The following DSC1 variants were observed in gnomAD, a reference collection of about 807,000 sequenced individuals.
DSC1 encodes the protein desmocollin 1.
Under a neutral mutation model 98.8 loss-of-function variants are expected in DSC1, and 79 were observed. The ratio of observed to expected loss-of-function variants is 0.80; its 90% CI spans 0.67 to 0.96. The LOEUF is 0.96. Among genes scored for constraint, DSC1 ranks in the 50% least tolerant of loss-of-function variants. DSC1 has a pLI of 0.00. For missense variants in DSC1, 1,115 were observed against 1,075.9 expected, an observed-to-expected ratio of 1.04 and a Z score of -0.51; for synonymous variants, 405 against 372.1, an observed-to-expected ratio of 1.09 and a Z score of -1.02.
chr18:31,145,795 A>G lies in DSC1; in HGVS notation c.773-18T>C. 1 of 1,597,454 alleles carries G rather than the reference A, an allele frequency of 6.3e-7. No homozygotes were observed. The highest frequency in any genetic ancestry group is 8.5e-7 in the Non-Finnish European group (1 of 1,174,152). On this transcript the variant is annotated intron_variant, in intron 6 of 15. Coordinates refer to ENST00000257198, the MANE Select transcript of DSC1 (RefSeq NM_024421.2). ...TGAAGTTCCTGTTTAGATAAATCCAAAAGTGTCAAAAATTTCTACTCATAT... is the reference window on the plus strand; with the variant it reads ...TGAAGTTCCTGTTTAGATAAATCCAGAAGTGTCAAAAATTTCTACTCATAT...
At chr18:31,159,210 C>A (rs559052549) in intron 2 of DSC1, among the ~76,000 whole-genome samples, 1 of 124,622 alleles carries the variant, frequency 8.0e-6, no homozygotes, top group Non-Finnish European at 1.7e-5. Context: ...CCCGCCACCG[C>A]GCCCGGCTAA....
chr18:31,151,883 C>T (rs1407785467), intron 5 of DSC1, among the ~76,000 whole-genome samples: 2 of 152,076 alleles, frequency 1.3e-5, no homozygotes, highest in African/African-American at 4.8e-5. Flanking sequence ...TACAAGAGGC[C>T]GGGCACAGTG....
chr18:31,145,508 G>A (rs1988827753), intron 7 of DSC1, 103 bp downstream of exon 7: 1 of 1,311,006 alleles, frequency 7.6e-7, no homozygotes, highest in Non-Finnish European at 1.1e-6. Context: ...ACAGAAGCAT[G>A]CTGAGAAAGG....
chr18:31,159,523 T>C lies in DSC1; in HGVS notation c.70A>G (p.Thr24Ala). The change falls in exon 2 of 16, where the codon ACA (threonine) becomes GCA (alanine). Residue 24 changes from threonine (T) to alanine (A), a missense_variant. Thr to Ala is a moderately conservative substitution (Grantham distance 58). Coordinates refer to ENST00000257198, the MANE Select transcript of DSC1 (RefSeq NM_024421.2). ...KQLLFSLLVL[T>A]LLCDACQKVY... ...TTCTGACAAGCATCGCAAAGTAATG[T>C]TAAAACCTCAAAAAAAAAAAAAGAA... 1 of 1,535,966 alleles carries C rather than the reference T, an allele frequency of 6.5e-7. No individual in the cohort carries two copies.
rs560889140 is a variant in DSC1, at chr18:31,159,047, G to GT, written c.148+397dup. On this transcript the variant is annotated intron_variant, in intron 2 of 15. Transcript: ENST00000257198. Reference sequence around the variant, plus strand: ...TTTAACTTCAAGTAGCTACTATGTGGTTTTTTTTTTTTTTTTTGAGACAGA... The same window carrying GT: ...TTTAACTTCAAGTAGCTACTATGTGGTTTTTTTTTTTTTTTTTTGAGACAGA... Among the ~76,000 whole-genome samples the GT allele has an allele frequency of 4.4e-3, 312 of 71,066 alleles. 42 individuals carry two copies. The highest frequency in any genetic ancestry group is 0.011 in the East Asian group (20 of 1,810). 46.6% of individuals were successfully genotyped at this position (71,066 alleles called of 152,430 possible).
chr18:31,139,255 T>A (rs1351924554), intron 11 of DSC1, among the ~76,000 whole-genome samples: 6 of 152,248 alleles, frequency 3.9e-5, no homozygotes, highest in Admixed American at 3.3e-4. Flanking sequence ...AAGACTTAAG[T>A]CATTGTTTGA....
intron 2 of DSC1, among the ~76,000 whole-genome samples, chr18:31,159,047 G>GTTTTCTTTTTTTT (rs1555646386): frequency 1.4e-5 from 1 of 71,098 alleles, no homozygotes; most frequent in Non-Finnish European, 2.5e-5. Context: ...CTACTATGTG[G>GTTTTCTTTTTTTT]TTTTTTTTTT....
Position 31,162,731 on chromosome 18 carries a change from A to G in DSC1, c.-137T>C, listed in dbSNP as rs568361549. ...GATGCAGCTGAGCTTGGTTTGGAAG[A>G]CAGTCCGGAGGCAAGTGATAAACAG... On this transcript the variant is annotated 5_prime_UTR_variant, in exon 1 of 16. Transcript: ENST00000257198. The G allele has an allele frequency of 7.0e-6, 5 of 715,084 alleles. No individual in the cohort carries two copies. The African/African-American group carries it at 8.8e-5, about 13-fold the overall frequency. 44.3% of individuals were successfully genotyped at this position (715,084 alleles called of 1,614,324 possible). A position where few individuals can be genotyped will look rare whatever the true frequency, so the allele number is the denominator to read the frequency against.
Position 31,130,600 on chromosome 18 carries a change from C to A in DSC1, c.2599G>T (p.Asp867Tyr), listed in dbSNP as rs768355358. The part of the protein sequence containing the change: ...SLAGSVGCCS[D>Y]RQEEEGLEFL... ...TCCAGTCCCTCTTCTTCCTGCCGAT[C>A]GCTGCAGCAACCTACTGAGCCGGCC... The change falls in exon 16 of 16, where the codon GAT becomes TAT. Residue 867 changes from aspartate to tyrosine, a missense_variant. By Grantham distance (160) the Asp-to-Tyr change is radical. Coordinates refer to ENST00000257198, the MANE Select transcript of DSC1 (RefSeq NM_024421.2). 1.9e-6 allele frequency: 3 copies of A among 1,614,156 alleles called. No homozygotes were observed. Among genetic ancestry groups the A allele is most frequent in the South Asian group, 1.1e-5 (1 of 91,080 alleles).
Position 31,148,192 on chromosome 18 carries a change from C to T in DSC1, c.772+306G>A, listed in dbSNP as rs79165040. Among the ~76,000 whole-genome samples, 960 of 152,176 alleles carry T rather than the reference C, an allele frequency of 6.3e-3. 10 individuals carry two copies. The highest frequency in any genetic ancestry group is 0.022 in the African/African-American group (896 of 41,520). On this transcript the variant is annotated intron_variant, in intron 6 of 15. Coordinates refer to ENST00000257198, the MANE Select transcript of DSC1 (RefSeq NM_024421.2). ...CCAAACACCAACTTCAGCAACAACC[C>T]CACCCTGGAGAGAATTTAGTCAAAT...
chr18:31,142,828 A>G (rs949503574), intron 8 of DSC1, among the ~76,000 whole-genome samples: 2 of 152,120 alleles, frequency 1.3e-5, no homozygotes, highest in Admixed American at 6.5e-5. Context: ...TAATAGACCT[A>G]GATTTGAATC....
chr18:31,156,212 G>A (rs771408096), intron 3 of DSC1, 50 bp from the exon 4 acceptor site: 6 of 1,588,066 alleles, frequency 3.8e-6, no homozygotes, highest in Non-Finnish European at 5.1e-6. Context: ...TCATTTTTTG[G>A]AACTGTGATT....
chr18:31,132,479 A>C, intron 14 of DSC1, 89 bp downstream of exon 14: 1 of 1,535,352 alleles, frequency 6.5e-7, no homozygotes, highest in East Asian at 2.3e-5. Flanking sequence ...CTCAATAAAC[A>C]TTAGTGATAT....
chr18:31,131,498 T>C, intron 15 of DSC1, 96 bp downstream of exon 15: 1 of 1,465,388 alleles, frequency 6.8e-7, no homozygotes, highest in Non-Finnish European at 9.3e-7. Context: ...AGATGTTGAA[T>C]TCCAGGTATA....
At chr18:31,144,069 C>G (rs1253693415) in intron 7 of DSC1, among the ~76,000 whole-genome samples, 1 of 151,952 alleles carries the variant, frequency 6.6e-6, no homozygotes, top group African/African-American at 2.4e-5. Context: ...ACCACCACAC[C>G]CAGCTAATCT....
intron 5 of DSC1, among the ~76,000 whole-genome samples, chr18:31,150,637 C>T (rs1988984167): frequency 6.6e-6 from 1 of 152,140 alleles, no homozygotes; most frequent in Non-Finnish European, 1.5e-5. Context: ...TCATCATTAT[C>T]ATCATCACTA....
chr18:31,133,866 A>G, intron 13 of DSC1, 25 bp downstream of exon 13: 2 of 1,576,464 alleles, frequency 1.3e-6, no homozygotes, highest in Non-Finnish European at 1.7e-6. Flanking sequence ...AACACATTCT[A>G]GATAATGATA....
chr18:31,148,427 C>G, intron 6 of DSC1, 71 bp downstream of exon 6: 2 of 1,429,082 alleles, frequency 1.4e-6, no homozygotes, highest in South Asian at 3.3e-5. Flanking sequence ...AAAACGTAAA[C>G]ATCTTTAATT....
chr18:31,154,162 C>T (rs189165323), intron 5 of DSC1, among the ~76,000 whole-genome samples: 67 of 151,726 alleles, frequency 4.4e-4, no homozygotes, highest in African/African-American at 1.5e-3. Context: ...ATTGTCTTGT[C>T]TTTGGGTAGG....
Sources: allele counts gnomAD v4.1 joint callset (sites outside exome capture counted in the v4.1 genomes callset), GRCh38; gene constraint gnomAD v4.1.1; transcripts MANE v1.5; gene names NCBI Gene and HGNC (gene_info 2026-07-23, HGNC 2026-07-21).